Variants in ULBP2 observed in about 807,000 individuals in gnomAD.
ULBP2 encodes the protein UL16-binding protein 2.
In ULBP2, 21 loss-of-function variants were observed where a neutral mutation model predicts 23.6. The ratio of observed to expected loss-of-function variants is 0.89; its 90% CI spans 0.63 to 1.28. The LOEUF is 1.28. Ranked by LOEUF, ULBP2 falls within the 50% of genes most tolerant of loss-of-function variation. The probability of loss-of-function intolerance (pLI) is 0.00; values close to 1 mark genes in which losing one functional copy is unlikely to be tolerated. For synonymous variants in ULBP2, 82 were observed against 112.8 expected, an observed-to-expected ratio of 0.73 and a Z score of 1.73; for missense variants, 251 against 306.0, an observed-to-expected ratio of 0.82 and a Z score of 1.34.
rs1398786466 is a variant in ULBP2, at chr6:149,948,731, T to A, written c.*31T>A. 4.4e-6 allele frequency: 2 copies of A among 456,626 alleles called. No individual in the cohort carries two copies. The highest frequency in any genetic ancestry group is 2.3e-5 in the Admixed American group (1 of 42,560). The allele number at this position is 456,626 out of a possible 1,614,324, so 28.3% of individuals were successfully genotyped here. On this transcript the variant is annotated 3_prime_UTR_variant, in exon 5 of 5. Coordinates refer to ENST00000367351, the MANE Select transcript of ULBP2 (RefSeq NM_025217.4). ...TTGTGTCCTTTCTGAAGGTTAAAGC[T>A]GATACCAAAAGGCTCCTGTGAGCAC...
chr6:149,942,067 T>C lies in ULBP2; in HGVS notation c.-6T>C. ...AGTCTCTCATCCCTAGCGCTCTGGG[T>C]CCTTAATGGCAGCAGCCGCCGCTAC... On this transcript the variant is annotated 5_prime_UTR_variant, in exon 1 of 5. Transcript: ENST00000367351. The C allele has an allele frequency of 6.2e-7, 1 of 1,613,018 alleles. No individual in the cohort carries two copies. The highest frequency in any genetic ancestry group is 8.5e-7 in the Non-Finnish European group (1 of 1,179,640).
intron 1 of ULBP2, 88 bp downstream of exon 1, chr6:149,942,245 T>C: frequency 1.4e-6 from 2 of 1,400,212 alleles, no homozygotes; most frequent in Non-Finnish European, 1.9e-6. Flanking sequence ...GGGAGGCTTC[T>C]AGAAGGACGG....
chr6:149,947,663 G>A (rs1358654423), intron 4 of ULBP2, among the ~76,000 whole-genome samples: 4 of 152,186 alleles, frequency 2.6e-5, no homozygotes, highest in Non-Finnish European at 5.9e-5. Context: ...CTCACCTTCA[G>A]AGTCCAGAGG....
intron 1 of ULBP2, among the ~76,000 whole-genome samples, chr6:149,942,849 G>A (rs1166341635): frequency 1.3e-5 from 2 of 152,008 alleles, no homozygotes; most frequent in African/African-American, 4.8e-5. Context: ...CTTGCCTGAG[G>A]ACACACCCCA....
intron 2 of ULBP2, 103 bp downstream of exon 2, chr6:149,945,675 G>T (rs1778927354): frequency 2.5e-6 from 4 of 1,598,646 alleles, no homozygotes; most frequent in Non-Finnish European, 2.6e-6. Flanking sequence ...GGGCACGGTG[G>T]CTCACGCCTG....
At chr6:149,943,052 T>C (rs73782157) in intron 1 of ULBP2, among the ~76,000 whole-genome samples, 6,787 of 152,144 alleles carry the variant, frequency 0.045, 494 homozygotes, top group African/African-American at 0.15. Flanking sequence ...GTCAGCAAAC[T>C]CTTTCTAGAA....
chr6:149,945,751 A>C (rs942324585), intron 2 of ULBP2, among the ~76,000 whole-genome samples, 179 bp downstream of exon 2: 3 of 151,830 alleles, frequency 2.0e-5, no homozygotes, highest in African/African-American at 7.3e-5. Flanking sequence ...GACCAGCCTG[A>C]CCAACATGGT....
In ULBP2 at chr6:149,949,036, T is replaced by G; in HGVS notation, c.*336T>G. The stretch of plus-strand genomic sequence containing the variant: ...TTGTTTGGAAAATCAAGTACTTCTT[T>G]GAATGATGATCTCTTTCTTGCAAAT... On this transcript the variant is annotated 3_prime_UTR_variant, in exon 5 of 5. Coordinates refer to ENST00000367351, the MANE Select transcript of ULBP2 (RefSeq NM_025217.4). 5.1e-6 allele frequency: 1 copy of G among 196,706 alleles called. No individual in the cohort carries two copies. Among genetic ancestry groups the G allele is most frequent in the South Asian group, 8.0e-5 (1 of 12,546 alleles). The allele number at this position is 196,706 out of a possible 1,614,324, so 12.2% of individuals were successfully genotyped here.
chr6:149,947,946 T>C (rs1778968106), intron 4 of ULBP2, among the ~76,000 whole-genome samples: 1 of 152,236 alleles, frequency 6.6e-6, no homozygotes. Context: ...TTGGTACACC[T>C]AATTGAAAAG....
chr6:149,944,033 A>G (rs1242852518), intron 1 of ULBP2, among the ~76,000 whole-genome samples: 1 of 151,974 alleles, frequency 6.6e-6, no homozygotes, highest in African/African-American at 2.4e-5. Flanking sequence ...ATTGCCCTTC[A>G]CAGCAAACTC....
intron 3 of ULBP2, among the ~76,000 whole-genome samples, chr6:149,947,022 G>C (rs375387670): frequency 3.3e-5 from 5 of 151,074 alleles, no homozygotes; most frequent in Non-Finnish European, 4.4e-5. Context: ...CACTTCCAAC[G>C]CCAGCCCAGA....
rs747862019 is a variant in ULBP2, at chr6:149,942,118, C to G, written c.46C>G (p.Leu16Val). 5 of 1,613,322 alleles carry G rather than the reference C, an allele frequency of 3.1e-6. No homozygotes were observed. The highest frequency in any genetic ancestry group is 4.2e-6 in the Non-Finnish European group (5 of 1,179,832). ...ATKILLCLPL[L>V]LLLSGWSRAG... The stretch of plus-strand genomic sequence containing the variant: ...CAAGATCCTTCTGTGCCTCCCGCTT[C>G]TGCTCCTGCTGTCCGGCTGGTCCCG... Residue 16 changes from leucine (L) to valine (V), a missense_variant, in exon 1 of 5, where the codon CTG becomes GTG. By Grantham distance (32) the Leu-to-Val change is conservative. Transcript: ENST00000367351.
Position 149,946,342 on chromosome 6 carries a change from T to G in ULBP2, c.350-30T>G, listed in dbSNP as rs7764321. Reference sequence around the variant, plus strand: ...GATGGGGGTGCAAAATTTGTCAAGATCAGAGCTGATCTCTCTCTGATGGGG... The same window carrying G: ...GATGGGGGTGCAAAATTTGTCAAGAGCAGAGCTGATCTCTCTCTGATGGGG... On this transcript the variant is annotated intron_variant, in intron 2 of 4. Transcript: ENST00000367351. The G allele has an allele frequency of 1.9e-6, 3 of 1,596,006 alleles. No individual in the cohort carries two copies. The Admixed American group carries it at 5.1e-5, about 27-fold the overall frequency.
intron 4 of ULBP2, among the ~76,000 whole-genome samples, chr6:149,947,761 T>G (rs1031516459): frequency 1.3e-5 from 2 of 151,688 alleles, no homozygotes; most frequent in African/African-American, 4.9e-5. Flanking sequence ...CAGGTTCCTA[T>G]TCAGGAAGGG....
chr6:149,947,927 G>A (rs1048019481), intron 4 of ULBP2, among the ~76,000 whole-genome samples: 4 of 152,230 alleles, frequency 2.6e-5, no homozygotes, highest in Non-Finnish European at 5.9e-5. Flanking sequence ...GGAGGGGGCT[G>A]GGAGAACCTT....
At chr6:149,946,687 G>A (rs1371283710) in intron 3 of ULBP2, 34 bp downstream of exon 3, 3 of 1,610,006 alleles carry the variant, frequency 1.9e-6, no homozygotes, top group African/African-American at 1.3e-5. Flanking sequence ...GATCTCAAAT[G>A]TGATCAGAAA....
rs1394490472 is a variant in ULBP2, at chr6:149,945,517, G to A, written c.294G>A (p.Val98=). Residue 98 remains valine, a synonymous_variant, in exon 2 of 5, where the codon GTG becomes GTA. Transcript: ENST00000367351. ...KAQNPVLREV[V]DILTEQLRDI... The stretch of plus-strand genomic sequence containing the variant: ...AGAACCCAGTACTGAGAGAGGTGGT[G>A]GACATACTTACAGAGCAACTGCGTG... 1.2e-6 allele frequency: 2 copies of A among 1,613,926 alleles called. No individual in the cohort carries two copies. Among genetic ancestry groups the A allele is most frequent in the Non-Finnish European group, 1.7e-6 (2 of 1,179,898 alleles).
intron 4 of ULBP2, among the ~76,000 whole-genome samples, chr6:149,947,969 G>A (rs1407045505): frequency 6.6e-6 from 1 of 152,256 alleles, no homozygotes; most frequent in Non-Finnish European, 1.5e-5. Flanking sequence ...GGGAGTGCAG[G>A]GCTGCCTTCC....
In ULBP2 at chr6:149,946,757, A is replaced by G; in HGVS notation, c.631+104A>G. 1.9e-6 allele frequency: 3 copies of G among 1,554,036 alleles called. No homozygotes were observed. The East Asian group carries it at 6.8e-5, about 35-fold the overall frequency. Reference sequence around the variant, plus strand: ...TTCAATCATCCCAGTATACACATTCACGTTAAAATGACCTCCTCGTGGGGC... The same window carrying G: ...TTCAATCATCCCAGTATACACATTCGCGTTAAAATGACCTCCTCGTGGGGC... On this transcript the variant is annotated intron_variant, in intron 3 of 4. Transcript: ENST00000367351.
Sources: allele counts gnomAD v4.1 joint callset (sites outside exome capture counted in the v4.1 genomes callset), GRCh38; gene constraint gnomAD v4.1.1; transcripts MANE v1.5; gene names NCBI Gene and HGNC (gene_info 2026-07-23, HGNC 2026-07-21).